The following IL17RA variants were observed in gnomAD, a reference collection of about 807,000 sequenced individuals.
IL17RA encodes the protein interleukin-17 receptor A.
Under a neutral mutation model 50.4 loss-of-function variants are expected in IL17RA, and 34 were observed. The observed-to-expected ratio is 0.67, with a 90% confidence interval of 0.51 to 0.90. IL17RA has a LOEUF of 0.90. Ranked by LOEUF, IL17RA falls within the 40% of genes least tolerant of loss-of-function variation. The pLI is 0.00. For missense variants in IL17RA, 1,276 were observed against 1,169.8 expected (o/e 1.09, Z -1.32); for synonymous variants, 585 against 510.4 (o/e 1.15, Z -1.97).
At chr22:17,101,953 G>A in intron 5 of IL17RA, 43 bp from the exon 6 acceptor site, 1 of 1,613,028 alleles carries the variant, frequency 6.2e-7, no homozygotes, top group Non-Finnish European at 8.5e-7. Flanking sequence ...ACAGATTTCT[G>A]AAGGCAGAGG....
rs1181517273 is a variant in IL17RA, at chr22:17,094,699, A to C, written c.139-2363A>C. Among the ~76,000 whole-genome samples the C allele has an allele frequency of 2.1e-3, 117 of 57,002 alleles. 1 individual carries two copies. Among genetic ancestry groups the C allele is most frequent in the African/African-American group, 4.7e-3 (37 of 7,878 alleles). The allele number at this position is 57,002 out of a possible 152,430, so 37.4% of individuals were successfully genotyped here. On this transcript the variant is annotated intron_variant, in intron 1 of 12. Transcript: ENST00000319363. ...TCTCTCTCTCTCTCTCTCTATATATATATATATATATATATATATTCAGGG... is the reference window on the plus strand; with the variant it reads ...TCTCTCTCTCTCTCTCTCTATATATCTATATATATATATATATATTCAGGG...
intron 5 of IL17RA, among the ~76,000 whole-genome samples, chr22:17,101,658 C>G (rs1328544932): frequency 6.6e-6 from 1 of 152,228 alleles, no homozygotes; most frequent in African/African-American, 2.4e-5. Flanking sequence ...TCACACCTGT[C>G]ACATGTCTTC....
intron 3 of IL17RA, among the ~76,000 whole-genome samples, 195 bp from the exon 4 acceptor site, chr22:17,098,580 G>C (rs546283712): frequency 6.6e-6 from 1 of 152,184 alleles, no homozygotes; most frequent in African/African-American, 2.4e-5. Flanking sequence ...TCCTTGCCCA[G>C]CTGGGAAATA....
chr22:17,098,883 G>C lies in IL17RA; in HGVS notation c.419G>C (p.Arg140Thr). 6.2e-7 allele frequency: 1 copy of C among 1,613,526 alleles called. No individual in the cohort carries two copies. The highest frequency in any genetic ancestry group is 2.2e-5 in the East Asian group (1 of 44,882). Residue 140 changes from arginine to threonine, a missense_variant, in exon 4 of 13, where the codon AGG (arginine) becomes ACG (threonine). Physicochemically the swap from Arg to Thr is moderately conservative, Grantham distance 71. Transcript: ENST00000319363. ...EFLSKLRHHH[R>T]RWRFTFSHFV... ...CTGTCCAAACTGAGGCATCACCACA[G>C]GCGGGTAAGAACACAGCTCCTGAGT...
chr22:17,088,825 T>A (rs1320073242), intron 1 of IL17RA, among the ~76,000 whole-genome samples: 2 of 148,614 alleles, frequency 1.3e-5, no homozygotes, highest in Non-Finnish European at 3.0e-5. Flanking sequence ...AGACAAGGTC[T>A]CACTCTGTCA....
rs772083135 is a variant in IL17RA at position 17,097,883 on chromosome 22, C to T, written c.250C>T (p.His84Tyr). 1.2e-6 allele frequency: 2 copies of T among 1,614,240 alleles called. No homozygotes were observed. The highest frequency in any genetic ancestry group is 1.3e-5 in the African/African-American group (1 of 75,062). ...KDLQIQLHFA[H>Y]TQQGDLFPVA... is the part of the protein sequence containing the mutation. ...CCTGCAGATCCAGCTGCACTTTGCC[C>T]ACACCCAACAAGGAGACCTGTTCCC... The change falls in exon 3 of 13, where the codon CAC becomes TAC. Residue 84 changes from histidine (H) to tyrosine (Y), a missense_variant. Transcript: ENST00000319363.
chr22:17,110,019 A>G lies in IL17RA; in HGVS notation c.*199A>G. 1.6e-6 allele frequency: 1 copy of G among 618,128 alleles called. No individual in the cohort carries two copies. The highest frequency in any genetic ancestry group is 2.8e-6 in the Non-Finnish European group (1 of 355,728). 38.3% of individuals were successfully genotyped at this position (618,128 alleles called of 1,614,324 possible). A position where few individuals can be genotyped will look rare whatever the true frequency, so the allele number is the denominator to read the frequency against. On this transcript the variant is annotated 3_prime_UTR_variant, in exon 13 of 13. Transcript: ENST00000319363. The stretch of plus-strand genomic sequence containing the variant: ...AGCGGTCTGGTTATCGTCTATCCCC[A>G]GGGGAATCCACACAGCCCGCTCCCA...
At chr22:17,097,594 T>A in intron 2 of IL17RA, 1 of 612,100 alleles carries the variant, frequency 1.6e-6, no homozygotes, top group Non-Finnish European at 2.9e-6. Context: ...AAATTCCCTT[T>A]AGACTTGAGA....
intron 1 of IL17RA, among the ~76,000 whole-genome samples, chr22:17,094,673 C>G (rs1219387917): frequency 0.041 from 1,924 of 47,474 alleles, 184 homozygotes; most frequent in Non-Finnish European, 0.057. Context: ...CTCTCTCTCT[C>G]TCTCTCTCTC....
chr22:17,107,453 A>G (rs946166303), intron 11 of IL17RA, among the ~76,000 whole-genome samples: 2 of 152,252 alleles, frequency 1.3e-5, no homozygotes, highest in African/African-American at 4.8e-5. Context: ...ACACACACTC[A>G]TTTAATACCC....
chr22:17,095,753 T>TA (rs1304204394), intron 1 of IL17RA, among the ~76,000 whole-genome samples: 3 of 150,108 alleles, frequency 2.0e-5, no homozygotes, highest in Non-Finnish European at 4.4e-5. Context: ...CGGAGCCCCC[T>TA]AGTGGGGTGG....
At chr22:17,100,695 A>G (rs1044319802) in intron 5 of IL17RA, among the ~76,000 whole-genome samples, 7 of 152,198 alleles carry the variant, frequency 4.6e-5, no homozygotes, top group African/African-American at 1.7e-4. Context: ...CTGTTGGCAC[A>G]ACAGTGGACG....
intron 2 of IL17RA, 162 bp downstream of exon 2, chr22:17,097,248 C>T (rs1200813900): frequency 2.1e-5 from 15 of 706,006 alleles, no homozygotes; most frequent in East Asian, 1.1e-4. Flanking sequence ...CGTGCACCTG[C>T]GCTTCCTGTC....
At position 17,105,887 on chromosome 22, in the gene IL17RA, G is replaced by A. The variant is rs143239201; in HGVS notation, c.978G>A (p.Thr326=). Residue 326 remains threonine (T), a synonymous_variant, in exon 11 of 13, where the codon ACG becomes ACA. Coordinates refer to ENST00000319363, the MANE Select transcript of IL17RA (RefSeq NM_014339.7). The part of the protein sequence containing the change: ...YMPLWVYWFI[T]GISILLVGSV... ...CCCTGTGGGTGTACTGGTTCATCAC[G>A]GGCATCTCCATCCTGCTGGTGGGCT... The A allele has an allele frequency of 7.0e-4, 1,123 of 1,614,118 alleles. No individual in the cohort carries two copies. The highest frequency in any genetic ancestry group is 8.8e-4 in the Non-Finnish European group (1,035 of 1,180,022).
chr22:17,092,088 G>A (rs1309935504), intron 1 of IL17RA, among the ~76,000 whole-genome samples: 1 of 152,170 alleles, frequency 6.6e-6, no homozygotes, highest in Non-Finnish European at 1.5e-5. Context: ...ATCTGGGAAG[G>A]GGAGAGGGAA....
At chr22:17,097,736 G>A in intron 2 of IL17RA, 61 bp from the exon 3 acceptor site, 10 of 1,605,286 alleles carry the variant, frequency 6.2e-6, no homozygotes, top group Non-Finnish European at 8.5e-6. Flanking sequence ...TGTACCTGCT[G>A]CTGGGGCATC....
chr22:17,094,691 C>CTCTCTCTCTCTATATATATATA (rs1448096911), intron 1 of IL17RA, among the ~76,000 whole-genome samples: 4 of 24,700 alleles, frequency 1.6e-4, no homozygotes, highest in Admixed American at 4.5e-4. Context: ...CTCTCTCTCT[C>CTCTCTCTCTCTATATATATATA]TATATATATA....
rs1215738202 is a variant in IL17RA at position 17,105,602 on chromosome 22, G to A, written c.943G>A (p.Asp315Asn). ...EMPDTPEPIPDYMPLWVYWFI... is the reference protein window; with the variant it reads ...EMPDTPEPIPNYMPLWVYWFI... The stretch of plus-strand genomic sequence containing the variant: ...TGTTCTCATTGCAGAACCAATTCCG[G>A]GTAAGCTTGGATCTCTCTCCGACAG... Residue 315 changes from aspartate (D) to asparagine (N), a missense_variant and splice_region_variant, in exon 10 of 13, where the codon GAC (aspartate) becomes AAC (asparagine). Transcript: ENST00000319363. The A allele has an allele frequency of 1.2e-6, 2 of 1,613,346 alleles. No individual in the cohort carries two copies. The highest frequency in any genetic ancestry group is 1.3e-5 in the African/African-American group (1 of 74,900).
chr22:17,103,809 AGC>A (rs2061401406), intron 8 of IL17RA, among the ~76,000 whole-genome samples: 1 of 88,556 alleles, frequency 1.1e-5, no homozygotes, highest in African/African-American at 4.6e-5. Flanking sequence ...GGGAGTGGGG[AGC>A]GTGCACAGGT....
Sources: gnomAD v4.1 joint callset for allele counts (sites outside exome capture counted in the v4.1 genomes callset) on GRCh38, gnomAD v4.1.1 for gene constraint, MANE v1.5 for transcripts, NCBI Gene and HGNC (gene_info 2026-07-23, HGNC 2026-07-21) for gene names.